CAPN2: variants seen among roughly 807,000 people sequenced by gnomAD.
CAPN2 encodes calpain-2 catalytic subunit.
CAPN2 carries 92 observed loss-of-function variants against 102.3 expected under a neutral mutation model. That is an observed-to-expected ratio of 0.90 (90% CI 0.76 to 1.07). CAPN2 has a LOEUF of 1.07. Ranked by LOEUF, CAPN2 falls within the 50% of genes least tolerant of loss-of-function variation. The probability of loss-of-function intolerance (pLI) is 0.00; values close to 1 mark genes in which losing one functional copy is unlikely to be tolerated. For synonymous variants in CAPN2, 340 were observed against 355.4 expected (o/e 0.96, Z 0.49); for missense variants, 800 against 909.4 (o/e 0.88, Z 1.55).
intron 1 of CAPN2, among the ~76,000 whole-genome samples, chr1:223,717,148 A>G (rs1319732698): frequency 6.6e-6 from 1 of 152,184 alleles, no homozygotes; most frequent in East Asian, 1.9e-4. Flanking sequence ...CAAAAGGGTT[A>G]GATCCCGCCT....
At chr1:223,712,487 G>T, upstream of CAPN2, 1 of 1,181,102 alleles carries the variant, frequency 8.5e-7, no homozygotes, top group Admixed American at 4.6e-5. Flanking sequence ...CACACCCCGC[G>T]GGCCGGGCCG....
At chr1:223,767,312 T>C (rs1661363307) in intron 16 of CAPN2, among the ~76,000 whole-genome samples, 1 of 151,152 alleles carries the variant, frequency 6.6e-6, no homozygotes. Flanking sequence ...TAGCATTAGG[T>C]ATATCTCCCA....
chr1:223,745,919 A>G (rs1660740121), intron 4 of CAPN2, among the ~76,000 whole-genome samples: 1 of 152,232 alleles, frequency 6.6e-6, no homozygotes, highest in Non-Finnish European at 1.5e-5. Context: ...GAGGTAGGAA[A>G]CTTGCCCAGA....
Position 223,749,074 on chromosome 1 carries a change from T to G in CAPN2, c.765T>G (p.Phe255Leu), listed in dbSNP as rs765201577. ...CCGCGGACTCGGAGGCCATCACGTT[T>G]CAGAAGCTGGTGAAGGGGCACGCGT... is the stretch of plus-strand genomic sequence containing the variant. ...TSAADSEAITFQKLVKGHAYS... is the reference protein window; with the variant it reads ...TSAADSEAITLQKLVKGHAYS... Residue 255 changes from phenylalanine (F) to leucine (L), a missense_variant, in exon 6 of 21, where the codon TTT becomes TTG. Transcript: ENST00000295006. 1 of 1,613,968 alleles carries G rather than the reference T, an allele frequency of 6.2e-7. No homozygotes were observed.
intron 1 of CAPN2, among the ~76,000 whole-genome samples, chr1:223,713,510 G>A (rs1228867302): frequency 1.3e-5 from 2 of 149,274 alleles, no homozygotes; most frequent in African/African-American, 2.5e-5. Context: ...AAACCTCCGG[G>A]AGCCCTCCAG....
intron 2 of CAPN2, among the ~76,000 whole-genome samples, chr1:223,737,058 A>G (rs529472403): frequency 6.6e-6 from 1 of 152,194 alleles, no homozygotes; most frequent in South Asian, 2.1e-4. Flanking sequence ...TAAAAATAAG[A>G]ATAAAGAAAT....
intron 2 of CAPN2, among the ~76,000 whole-genome samples, chr1:223,721,345 G>A (rs1660047375): frequency 6.6e-6 from 1 of 152,108 alleles, no homozygotes; most frequent in Non-Finnish European, 1.5e-5. Context: ...GGCTCCCAAG[G>A]ACCCAGGAAA....
chr1:223,723,250 G>A (rs1406012828), intron 2 of CAPN2, among the ~76,000 whole-genome samples: 3 of 152,184 alleles, frequency 2.0e-5, no homozygotes, highest in Non-Finnish European at 4.4e-5. Flanking sequence ...GGAGGTAGAA[G>A]CTGCTGTGAG....
intron 8 of CAPN2, among the ~76,000 whole-genome samples, chr1:223,752,332 A>G (rs1301435431): frequency 2.6e-5 from 4 of 152,166 alleles, no homozygotes; most frequent in Non-Finnish European, 5.9e-5. Context: ...TCCTTTGGTA[A>G]TGTTCAGATC....
At position 223,762,170 on chromosome 1, in the gene CAPN2, C is replaced by T; in HGVS notation, c.1567-16C>T. 6.2e-7 allele frequency: 1 copy of T among 1,612,150 alleles called. No individual in the cohort carries two copies. Among genetic ancestry groups the T allele is most frequent in the African/African-American group, 1.3e-5 (1 of 75,008 alleles). On this transcript the variant is annotated splice_polypyrimidine_tract_variant and intron_variant, in intron 13 of 20. Transcript: ENST00000295006. Reference sequence around the variant, plus strand: ...CTCGCTCTGATGCATTCTCATGTCTCTGCCTCACCTTCCAGTTCGACATCA... The same window carrying T: ...CTCGCTCTGATGCATTCTCATGTCTTTGCCTCACCTTCCAGTTCGACATCA...
At chr1:223,719,642 G>A (rs1245029857) in intron 2 of CAPN2, among the ~76,000 whole-genome samples, 1 of 152,186 alleles carries the variant, frequency 6.6e-6, no homozygotes, top group Non-Finnish European at 1.5e-5. Context: ...ACAAATACAT[G>A]ATTTAAGTCC....
chr1:223,746,892 G>C, intron 4 of CAPN2, 105 bp from the exon 5 acceptor site: 1 of 956,134 alleles, frequency 1.0e-6, no homozygotes, highest in Non-Finnish European at 1.5e-6. Flanking sequence ...GTGAGCAGGG[G>C]GTCCCTGGAG....
In CAPN2 at chr1:223,759,528, C is replaced by A; in HGVS notation, c.1529+47C>A. 1 of 1,538,342 alleles carries A rather than the reference C, an allele frequency of 6.5e-7. No individual in the cohort carries two copies. The highest frequency in any genetic ancestry group is 1.1e-5 in the South Asian group (1 of 88,672). ...TCTCCCCACCCTTCCCTGTCCCTCC[C>A]CACTGGTCTGTTCCTCGGCCCCTAG... On this transcript the variant is annotated intron_variant, in intron 12 of 20. Transcript: ENST00000295006. The surrounding 1 kb of genome is among the most constrained non-coding windows in gnomAD (Gnocchi z 4.6).
rs1371322391 is a variant in CAPN2, at chr1:223,765,759, A to T, written c.1691-608A>T. ...CAGCTTTGAGGCAGGTCAGGCTCTA[A>T]CCTCTTTCGGGGACATAACAAAAAG... On this transcript the variant is annotated intron_variant, in intron 15 of 20. Transcript: ENST00000295006. Among the ~76,000 whole-genome samples the T allele has an allele frequency of 2.6e-5, 4 of 152,252 alleles. No homozygotes were observed. In the South Asian group the frequency reaches 6.2e-4, roughly 24 times the overall value.
chr1:223,750,622 T>C (rs1660863220), intron 6 of CAPN2, among the ~76,000 whole-genome samples: 2 of 152,210 alleles, frequency 1.3e-5, no homozygotes, highest in South Asian at 4.1e-4. Flanking sequence ...AGTTCAGAGA[T>C]GAAGCACCAA....
At chr1:223,774,034 A>G (rs1233092296) in intron 20 of CAPN2, among the ~76,000 whole-genome samples, 2 of 152,050 alleles carry the variant, frequency 1.3e-5, no homozygotes, top group Non-Finnish European at 2.9e-5. Flanking sequence ...CCCTGTCTCA[A>G]AAAATTTAAA....
chr1:223,706,004 G>C lies in CAPN2; in HGVS notation c.3+4173G>C, dbSNP rs897176392. Among the ~76,000 whole-genome samples the C allele has an allele frequency of 3.3e-5, 5 of 152,174 alleles. No individual in the cohort carries two copies. In the East Asian group the frequency reaches 9.6e-4, roughly 29 times the overall value. ...ACTTATAAGACTACATGTATTATTA[G>C]TAAAATTACTACTAGGGGACCCCAG... On this transcript the variant is annotated intron_variant, in intron 1 of 20. Coordinates refer to the CAPN2 transcript ENST00000433674.
At chr1:223,724,602 T>C (rs1013530352) in intron 2 of CAPN2, among the ~76,000 whole-genome samples, 3 of 152,236 alleles carry the variant, frequency 2.0e-5, no homozygotes, top group Non-Finnish European at 4.4e-5. Flanking sequence ...ACTGTTGCGC[T>C]CTGGAATCCA....
chr1:223,734,680 T>A (rs1660408353), intron 2 of CAPN2, among the ~76,000 whole-genome samples: 1 of 152,128 alleles, frequency 6.6e-6, no homozygotes, highest in African/African-American at 2.4e-5. Context: ...GACTGCCAAA[T>A]GTGGCCAAGG....
Sources: gnomAD v4.1 joint callset for allele counts (sites outside exome capture counted in the v4.1 genomes callset) on GRCh38, gnomAD v4.1.1 for gene constraint, Gnocchi (gnomAD v3.1) non-coding constraint, MANE v1.5 for transcripts, NCBI Gene and HGNC (gene_info 2026-07-23, HGNC 2026-07-21) for gene names.